The following MYO1D variants were observed in gnomAD, a reference collection of about 807,000 sequenced individuals.
MYO1D encodes myosin ID.
Under a neutral mutation model 122.0 loss-of-function variants are expected in MYO1D, and 83 were observed. That is an observed-to-expected ratio of 0.68 (90% CI 0.57 to 0.82). MYO1D has a LOEUF of 0.82. Among genes scored for constraint, MYO1D ranks in the 40% least tolerant of loss-of-function variants. The pLI, the probability that MYO1D is intolerant of heterozygous loss-of-function variation, is 0.00. For synonymous variants in MYO1D, 464 were observed against 446.9 expected (o/e 1.04, Z -0.48); for missense variants, 1,157 against 1,269.5 (o/e 0.91, Z 1.35).
intron 21 of MYO1D, among the ~76,000 whole-genome samples, chr17:32,580,877 A>C (rs1257779258): frequency 6.6e-6 from 1 of 152,134 alleles, no homozygotes; most frequent in African/African-American, 2.4e-5. Flanking sequence ...ATAATTCCTA[A>C]ATCTATGCTC....
intron 17 of MYO1D, among the ~76,000 whole-genome samples, chr17:32,658,020 C>T (rs182080433): frequency 1.4e-4 from 22 of 152,208 alleles, no homozygotes; most frequent in Middle Eastern, 6.8e-3. Context: ...TATGTGACTA[C>T]GTAAAAAGCC....
rs1392241843 is a variant in MYO1D at position 32,493,124 on chromosome 17, T to A, written c.*1635A>T. The A allele has an allele frequency of 2.0e-5, 3 of 152,484 alleles. No individual in the cohort carries two copies. The highest frequency in any genetic ancestry group is 7.2e-5 in the African/African-American group (3 of 41,464). 9.4% of individuals were successfully genotyped at this position (152,484 alleles called of 1,614,324 possible). On this transcript the variant is annotated 3_prime_UTR_variant, in exon 22 of 22. Transcript: ENST00000318217. ...CCAGTTAGATGGTTCCACTAGTGTCTACTGGTAATTGGCAAAACTATGAGT... is the reference window on the plus strand; with the variant it reads ...CCAGTTAGATGGTTCCACTAGTGTCAACTGGTAATTGGCAAAACTATGAGT...
At chr17:32,842,580 T>C (rs1323280178) in intron 1 of MYO1D, among the ~76,000 whole-genome samples, 2 of 152,182 alleles carry the variant, frequency 1.3e-5, no homozygotes, top group Non-Finnish European at 2.9e-5. Flanking sequence ...GCCTGCATTC[T>C]TTCTCAGCAA....
intron 16 of MYO1D, among the ~76,000 whole-genome samples, chr17:32,696,064 C>A (rs2089168014): frequency 6.6e-6 from 1 of 152,096 alleles, no homozygotes; most frequent in Non-Finnish European, 1.5e-5. Flanking sequence ...GTGATGACAT[C>A]ATCACTCTGA....
chr17:32,647,172 A>G (rs1214599001), intron 19 of MYO1D, among the ~76,000 whole-genome samples: 2 of 152,230 alleles, frequency 1.3e-5, no homozygotes, highest in African/African-American at 2.4e-5. Flanking sequence ...GAGAAAACAC[A>G]TCATGGTTGA....
At position 32,876,856 on chromosome 17, in the gene MYO1D, C is replaced by T. The variant is rs757187939; in HGVS notation, c.17G>A (p.Ser6Asn). ...GAAGTCTGCCTTGCCGAATTCCAGG[C>T]TCTCCTGCTCCGCCATGGCGCCAGC... MAEQE[S>N]LEFGKADFVL... Residue 6 changes from serine (S) to asparagine (N), a missense_variant, in exon 1 of 22, where the codon AGC becomes AAC. Physicochemically the swap from Ser to Asn is conservative, Grantham distance 46 (BLOSUM62 1). Coordinates refer to ENST00000318217, the MANE Select transcript of MYO1D (RefSeq NM_015194.3). The T allele has an allele frequency of 1.3e-6, 2 of 1,501,500 alleles. No individual in the cohort carries two copies. Among genetic ancestry groups the T allele is most frequent in the Admixed American group, 4.3e-5 (2 of 46,122 alleles). 93.0% of individuals were successfully genotyped at this position (1,501,500 alleles called of 1,614,324 possible).
chr17:32,780,634 C>T lies in MYO1D; in HGVS notation c.246G>A (p.Ala82=), dbSNP rs142146727. ...TCTTCATAGCCTTGTAAGCAGCATC[C>T]GCAATAGCAAAAAGGTGAGGCGGTC... is the stretch of plus-strand genomic sequence containing the variant. ...YERPPHLFAI[A]DAAYKAMKRR... is the part of the protein sequence containing the mutation. Residue 82 remains alanine, a synonymous_variant, in exon 2 of 22, where the codon GCG becomes GCA. Coordinates refer to ENST00000318217, the MANE Select transcript of MYO1D (RefSeq NM_015194.3). 3.8e-5 allele frequency: 62 copies of T among 1,614,064 alleles called. No homozygotes were observed. The highest frequency in any genetic ancestry group is 8.0e-5 in the African/African-American group (6 of 74,980).
In MYO1D at chr17:32,864,007, C is replaced by CCT. The variant is rs2091100844; in HGVS notation, c.95+12770_95+12771insAG. Among the ~76,000 whole-genome samples, 3 of 48,960 alleles carry CCT rather than the reference C, an allele frequency of 6.1e-5. No homozygotes were observed. The South Asian group carries it at 1.9e-3, about 30-fold the overall frequency. The allele number at this position is 48,960 out of a possible 152,430, so 32.1% of individuals were successfully genotyped here. A position where few individuals can be genotyped will look rare whatever the true frequency, so the allele number is the denominator to read the frequency against. ...TAATTTTGGTTACAAACATTTCTTC[C>CCT]TTTTTTTTTTTTTTTTTTTTTTTTT... On this transcript the variant is annotated intron_variant, in intron 1 of 21. Transcript: ENST00000318217.
chr17:32,654,728 G>A, intron 17 of MYO1D, 107 bp from the exon 18 acceptor site: 1 of 1,094,566 alleles, frequency 9.1e-7, no homozygotes, highest in Non-Finnish European at 1.2e-6. Flanking sequence ...TCCCAGGCTG[G>A]AGTGCATGGC....
chr17:32,576,400 A>T (rs2087278751), intron 21 of MYO1D, among the ~76,000 whole-genome samples: 1 of 152,192 alleles, frequency 6.6e-6, no homozygotes, highest in South Asian at 2.1e-4. Context: ...GTGACTATCT[A>T]ACTGTAATCT....
intron 21 of MYO1D, among the ~76,000 whole-genome samples, chr17:32,568,186 C>CAAAAA (rs386385913): frequency 0.15 from 18,113 of 123,874 alleles, 1,536 homozygotes; most frequent in East Asian, 0.29. Flanking sequence ...TGCGTTATTA[C>CAAAAA]AAAAAAAAAA....
rs780310925 is a variant in MYO1D, at chr17:32,494,846, G to C, written c.2934C>G (p.Thr978=). ...VQCSLHGKKC[T]VSVETRLNQP... ...GGTTGAGCCGCGTCTCCACGGAGAC[G>C]GTGCACTTCTTCCCGTGCAGGCTGC... The change falls in exon 22 of 22, where the codon ACC becomes ACG. Residue 978 remains threonine, a synonymous_variant. Transcript: ENST00000318217. The C allele has an allele frequency of 1.9e-6, 3 of 1,614,030 alleles. No homozygotes were observed. The highest frequency in any genetic ancestry group is 1.1e-5 in the South Asian group (1 of 91,080).
At chr17:32,567,368 A>G (rs887434254) in intron 21 of MYO1D, among the ~76,000 whole-genome samples, 1 of 152,234 alleles carries the variant, frequency 6.6e-6, no homozygotes, top group Non-Finnish European at 1.5e-5. Context: ...ACAACAGTTA[A>G]TAAAATCAGC....
At chr17:32,575,546 C>A (rs145366175) in intron 21 of MYO1D, among the ~76,000 whole-genome samples, 2 of 152,304 alleles carry the variant, frequency 1.3e-5, no homozygotes, top group African/African-American at 4.8e-5. Flanking sequence ...TGGATACCCA[C>A]CTTATTATCT....
intron 16 of MYO1D, among the ~76,000 whole-genome samples, chr17:32,673,089 A>ATTTTTTT (rs2088745430): frequency 7.0e-5 from 2 of 28,636 alleles, no homozygotes; most frequent in Non-Finnish European, 2.1e-4. Context: ...TAAACATGCT[A>ATTTTTTT]CTTTTTTTTT....
intron 21 of MYO1D, among the ~76,000 whole-genome samples, chr17:32,552,800 C>T (rs1382157436): frequency 3.3e-5 from 5 of 152,128 alleles, no homozygotes; most frequent in East Asian, 1.9e-4. Flanking sequence ...AACCACAGAA[C>T]GAAGATGGAG....
intron 20 of MYO1D, among the ~76,000 whole-genome samples, chr17:32,619,600 A>G (rs1004439843): frequency 6.6e-6 from 1 of 152,208 alleles, no homozygotes; most frequent in African/African-American, 2.4e-5. Context: ...AAGCTCCCCA[A>G]GTGATTCAAA....
At chr17:32,781,598 T>C (rs957849754) in intron 1 of MYO1D, among the ~76,000 whole-genome samples, 1 of 152,150 alleles carries the variant, frequency 6.6e-6, no homozygotes. Flanking sequence ...ATTTTATAAA[T>C]GAGTACATAA....
intron 20 of MYO1D, among the ~76,000 whole-genome samples, chr17:32,633,939 C>T (rs1482647072): frequency 1.3e-5 from 2 of 152,046 alleles, no homozygotes; most frequent in Admixed American, 6.6e-5. Flanking sequence ...ATATCATGTG[C>T]GTATGTATAT....
Sources: allele counts gnomAD v4.1 joint callset (sites outside exome capture counted in the v4.1 genomes callset), GRCh38; gene constraint gnomAD v4.1.1; transcripts MANE v1.5; gene names NCBI Gene and HGNC (gene_info 2026-07-23, HGNC 2026-07-21).